ULK4: variants seen among roughly 807,000 people sequenced by gnomAD.
ULK4 encodes inactive serine/threonine-protein kinase ULK4.
In ULK4, 133 loss-of-function variants were observed where a neutral mutation model predicts 160.6. The observed-to-expected ratio is 0.83, with a 90% CI of 0.72 to 0.96. ULK4 has a LOEUF of 0.96. ULK4 is among the 40% of genes least tolerant of loss of function. The probability of loss-of-function intolerance (pLI) is 0.00; values close to 1 mark genes in which losing one functional copy is unlikely to be tolerated. For synonymous variants in ULK4, 534 were observed against 539.8 expected, an observed-to-expected ratio of 0.99 and a Z score of 0.15; for missense variants, 1,580 against 1,499.5, an observed-to-expected ratio of 1.05 and a Z score of -0.89.
At chr3:41,324,928 T>C (rs28539723) in intron 35 of ULK4, among the ~76,000 whole-genome samples, 2,044 of 152,152 alleles carry the variant, frequency 0.013, 53 homozygotes, top group African/African-American at 0.047. Flanking sequence ...AAACATTAAG[T>C]TGGAAAAACA....
intron 31 of ULK4, among the ~76,000 whole-genome samples, chr3:41,608,389 T>C (rs1434420777): frequency 6.6e-6 from 1 of 152,236 alleles, no homozygotes; most frequent in Non-Finnish European, 1.5e-5. Flanking sequence ...TGCTGACATT[T>C]CTACTTTCTC....
At chr3:41,519,886 A>G (rs1170989530) in intron 32 of ULK4, among the ~76,000 whole-genome samples, 4 of 152,186 alleles carry the variant, frequency 2.6e-5, no homozygotes, top group African/African-American at 9.7e-5. Context: ...GCTGTCCACA[A>G]AATATTCATG....
chr3:41,885,918 T>A (rs1697703894), intron 16 of ULK4, among the ~76,000 whole-genome samples: 1 of 152,120 alleles, frequency 6.6e-6, no homozygotes, highest in South Asian at 2.1e-4. Context: ...GCTCAAGTGA[T>A]CTGCCCACCT....
At chr3:41,935,057 G>C (rs1699718861) in intron 4 of ULK4, among the ~76,000 whole-genome samples, 1 of 115,122 alleles carries the variant, frequency 8.7e-6, no homozygotes, top group Non-Finnish European at 1.6e-5. Context: ...GTCTCGCTCT[G>C]TCACCCAGGC....
At chr3:41,265,769 C>A (rs982651512) in intron 35 of ULK4, among the ~76,000 whole-genome samples, 3 of 152,096 alleles carry the variant, frequency 2.0e-5, no homozygotes, top group Non-Finnish European at 4.4e-5. Flanking sequence ...ACGTTTTTTG[C>A]GAAGCCTTTG....
At chr3:41,951,596 A>C (rs981732290) in intron 2 of ULK4, among the ~76,000 whole-genome samples, 1 of 152,202 alleles carries the variant, frequency 6.6e-6, no homozygotes, top group Non-Finnish European at 1.5e-5. Context: ...TCAATGAGGA[A>C]AGGGCAGTCT....
At chr3:41,619,489 G>A (rs577819146) in intron 30 of ULK4, among the ~76,000 whole-genome samples, 2 of 152,180 alleles carry the variant, frequency 1.3e-5, no homozygotes, top group East Asian at 3.9e-4. Flanking sequence ...TAACTACATG[G>A]AAACTGAACA....
chr3:41,725,943 C>T (rs916162327), intron 22 of ULK4, among the ~76,000 whole-genome samples: 1 of 152,124 alleles, frequency 6.6e-6, no homozygotes, highest in Non-Finnish European at 1.5e-5. Context: ...TTGGGAAATC[C>T]TCTATATCAG....
At position 41,247,952 on chromosome 3, in the gene ULK4, C is replaced by A. The variant is rs115093460; in HGVS notation, c.3765-960G>T. 1.0e-3 allele frequency among the ~76,000 whole-genome samples: 156 copies of A among 152,314 alleles called. 1 individual carries two copies. The highest frequency in any genetic ancestry group is 3.9e-3 in the East Asian group (20 of 5,186). ...GAGAACTTTGCAGGAGCAACTTCCC[C>A]GCCCAACACAAGATCTGTCTGGTGT... On this transcript the variant is annotated intron_variant, in intron 36 of 36. Coordinates refer to ENST00000301831, the MANE Select transcript of ULK4 (RefSeq NM_017886.4).
Position 41,388,635 on chromosome 3 carries a change from C to G in ULK4, c.3678+9444G>C, listed in dbSNP as rs996282860. ...AGCACCATTTGTTAAATAGGGAATC[C>G]TTTCCCCATTTCTTGTTTTTGTCAG... is the stretch of plus-strand genomic sequence containing the variant. On this transcript the variant is annotated intron_variant, in intron 35 of 36. Transcript: ENST00000301831. Among the ~76,000 whole-genome samples the G allele has an allele frequency of 4.6e-5, 7 of 152,018 alleles. No individual in the cohort carries two copies. In the East Asian group the frequency reaches 1.3e-3, roughly 29 times the overall value.
At chr3:41,472,058 T>C (rs1230008016) in intron 32 of ULK4, among the ~76,000 whole-genome samples, 1 of 151,548 alleles carries the variant, frequency 6.6e-6, no homozygotes, top group Non-Finnish European at 1.5e-5. Context: ...AAAACTTGTA[T>C]TTTTGAAAAA....
chr3:41,332,582 G>T (rs2080468530), intron 35 of ULK4, among the ~76,000 whole-genome samples: 1 of 152,188 alleles, frequency 6.6e-6, no homozygotes, highest in South Asian at 2.1e-4. Context: ...CTTTAAGAAG[G>T]TTAGTACTTA....
At chr3:41,562,325 A>C (rs2087614025) in intron 32 of ULK4, among the ~76,000 whole-genome samples, 1 of 152,100 alleles carries the variant, frequency 6.6e-6, no homozygotes, top group Admixed American at 6.6e-5. Flanking sequence ...GGCTGAGGAG[A>C]ATGTATTTTC....
intron 17 of ULK4, among the ~76,000 whole-genome samples, chr3:41,877,998 T>C (rs575769189): frequency 1.3e-5 from 2 of 150,104 alleles, no homozygotes; most frequent in South Asian, 4.2e-4. Context: ...AAAATCTGAA[T>C]TGGAAAAGCA....
intron 30 of ULK4, among the ~76,000 whole-genome samples, chr3:41,653,280 T>C (rs1160679746): frequency 6.6e-6 from 1 of 152,158 alleles, no homozygotes; most frequent in Non-Finnish European, 1.5e-5. Flanking sequence ...ATTGAAATTA[T>C]TCAAACTAGC....
chr3:41,514,613 T>C (rs945939873), intron 32 of ULK4, among the ~76,000 whole-genome samples: 13 of 152,120 alleles, frequency 8.5e-5, no homozygotes, highest in Admixed American at 7.2e-4. Context: ...AACAATGAAA[T>C]CATGTCTTTT....
chr3:41,507,291 T>C (rs1029730120), intron 32 of ULK4, among the ~76,000 whole-genome samples: 11 of 150,156 alleles, frequency 7.3e-5, no homozygotes, highest in Non-Finnish European at 1.2e-4. Context: ...CAGCTAAAAA[T>C]AGTGAAATTG....
At chr3:41,791,017 AAACT>A (rs2040134690) in intron 20 of ULK4, among the ~76,000 whole-genome samples, 1 of 152,250 alleles carries the variant, frequency 6.6e-6, no homozygotes, top group Non-Finnish European at 1.5e-5. Flanking sequence ...AATATAAAAC[AAACT>A]GTTAGAAATA....
At chr3:41,384,724 A>G (rs1489109019) in intron 35 of ULK4, among the ~76,000 whole-genome samples, 1 of 152,094 alleles carries the variant, frequency 6.6e-6, no homozygotes, top group African/African-American at 2.4e-5. Flanking sequence ...AGCTGGGAGT[A>G]TAGGCACCCG....
Sources: gnomAD v4.1 joint callset for allele counts (sites outside exome capture counted in the v4.1 genomes callset) on GRCh38, gnomAD v4.1.1 for gene constraint, MANE v1.5 for transcripts, NCBI Gene and HGNC (gene_info 2026-07-23, HGNC 2026-07-21) for gene names.